The following LARGE1 variants were observed in gnomAD, a reference collection of about 807,000 sequenced individuals.
LARGE1 encodes the protein xylosyl- and glucuronyltransferase LARGE1.
In LARGE1, 43 loss-of-function variants were observed where a neutral mutation model predicts 87.6. That is an observed-to-expected ratio of 0.49 (90% CI 0.38 to 0.63). The LOEUF is 0.63. Ranked by LOEUF, LARGE1 falls within the 30% of genes least tolerant of loss-of-function variation. LARGE1 has a pLI of 0.00. For synonymous variants in LARGE1, 434 were observed against 394.6 expected (o/e 1.10, Z -1.18); for missense variants, 802 against 1,000.2 (o/e 0.80, Z 2.67).
intron 6 of LARGE1, among the ~76,000 whole-genome samples, chr22:33,474,994 T>C (rs1602015120): frequency 6.6e-6 from 1 of 152,286 alleles, no homozygotes; most frequent in South Asian, 2.1e-4. Context: ...GGAGATGGAA[T>C]GCCCTCTTTT....
chr22:33,589,857 A>G (rs1356392847), intron 5 of LARGE1, among the ~76,000 whole-genome samples: 1 of 152,156 alleles, frequency 6.6e-6, no homozygotes, highest in Admixed American at 6.5e-5. Flanking sequence ...ACCCTCCTCT[A>G]GTTTCCAAGA....
At chr22:33,385,254 A>G (rs1049817142) in intron 7 of LARGE1, among the ~76,000 whole-genome samples, 1 of 148,370 alleles carries the variant, frequency 6.7e-6, no homozygotes, top group African/African-American at 2.5e-5. Flanking sequence ...CTAAAACAAC[A>G]GCCGGGTGTG....
chr22:33,179,076 A>C (rs1289816346), intron 11 of LARGE1, among the ~76,000 whole-genome samples: 4 of 152,180 alleles, frequency 2.6e-5, no homozygotes, highest in Non-Finnish European at 4.4e-5. Context: ...TTATAAAGCC[A>C]ACAGTCCCAT....
chr22:33,507,833 G>A (rs1030321751), intron 6 of LARGE1, among the ~76,000 whole-genome samples: 3 of 152,072 alleles, frequency 2.0e-5, no homozygotes, highest in Non-Finnish European at 4.4e-5. Context: ...GCTCTACACT[G>A]GTGTGGTACC....
chr22:33,346,868 G>A (rs981571088), intron 9 of LARGE1, among the ~76,000 whole-genome samples: 16 of 152,134 alleles, frequency 1.1e-4, no homozygotes, highest in African/African-American at 3.1e-4. Context: ...GGGTGGCCAC[G>A]TGACCTAGGA....
intron 11 of LARGE1, among the ~76,000 whole-genome samples, chr22:33,194,935 C>T (rs1417575227): frequency 6.6e-6 from 1 of 152,202 alleles, no homozygotes; most frequent in Admixed American, 6.5e-5. Context: ...AATCTCTAGA[C>T]AACTCATTGC....
chr22:33,703,456 T>C (rs2082461026), intron 2 of LARGE1, among the ~76,000 whole-genome samples: 1 of 152,180 alleles, frequency 6.6e-6, no homozygotes, highest in Non-Finnish European at 1.5e-5. Context: ...TCCTGAAATT[T>C]GTGAGTATCA....
In LARGE1 at chr22:33,838,192, T is replaced by C. The variant is rs141034078; in HGVS notation, c.-82-76634A>G. The stretch of plus-strand genomic sequence containing the variant: ...AAGGAAGACAGACTGGCCCACAGAA[T>C]GCAGACTCTTGCTCTCAATCATTAC... On this transcript the variant is annotated intron_variant, in intron 1 of 14. Coordinates refer to ENST00000397394, the MANE Select transcript of LARGE1 (RefSeq NM_133642.5). Among the ~76,000 whole-genome samples, 282 of 152,326 alleles carry C rather than the reference T, an allele frequency of 1.9e-3. No individual in the cohort carries two copies. In the Middle Eastern group the frequency reaches 0.02, roughly 11 times the overall value.
At chr22:33,836,663 A>G (rs1165410361) in intron 1 of LARGE1, among the ~76,000 whole-genome samples, 1 of 152,166 alleles carries the variant, frequency 6.6e-6, no homozygotes, top group African/African-American at 2.4e-5. Flanking sequence ...AATGAGCTTC[A>G]GCAACAAGCC....
At chr22:33,553,908 T>G (rs781024510) in intron 6 of LARGE1, among the ~76,000 whole-genome samples, 44 of 152,150 alleles carry the variant, frequency 2.9e-4, no homozygotes, top group Non-Finnish European at 3.2e-4. Context: ...CTGAGCCCTG[T>G]GTGTCTAAGA....
At chr22:33,555,405 G>GA (rs1048025101) in intron 6 of LARGE1, among the ~76,000 whole-genome samples, 21 of 149,040 alleles carry the variant, frequency 1.4e-4, no homozygotes, top group South Asian at 2.1e-4. Context: ...GAGTCCTCTT[G>GA]AAAAAAAAAA....
At chr22:33,119,753 G>A in the LARGE1 span, among the ~76,000 whole-genome samples, 1 of 152,134 alleles carries the variant, frequency 6.6e-6, no homozygotes, top group African/African-American at 2.4e-5. Flanking sequence ...TTTCTGTTCT[G>A]CCCACTTAAT....
chr22:33,793,779 A>AC (rs908670068), intron 1 of LARGE1, among the ~76,000 whole-genome samples: 1 of 131,460 alleles, frequency 7.6e-6, no homozygotes, highest in Admixed American at 7.6e-5. Flanking sequence ...TAAGGCAAGC[A>AC]CCCCCCAACT....
chr22:33,486,383 T>C (rs1265909228), intron 6 of LARGE1, among the ~76,000 whole-genome samples: 1 of 152,168 alleles, frequency 6.6e-6, no homozygotes, highest in Non-Finnish European at 1.5e-5. Context: ...CTTGACAGTT[T>C]ACAAAGTGCT....
chr22:33,747,025 G>A (rs2084113960), intron 2 of LARGE1, among the ~76,000 whole-genome samples: 4 of 152,128 alleles, frequency 2.6e-5, no homozygotes, highest in African/African-American at 2.4e-5. Flanking sequence ...TAAGTGCCCC[G>A]GGGTGGACTG....
At chr22:33,559,462 G>A (rs1408931262) in intron 6 of LARGE1, among the ~76,000 whole-genome samples, 1 of 152,200 alleles carries the variant, frequency 6.6e-6, no homozygotes, top group Non-Finnish European at 1.5e-5. Context: ...GATTACAAAC[G>A]TGAGCCACCA....
rs1186663464 is a variant in LARGE1, at chr22:33,878,129, CTT to C, written c.-83+41864_-83+41865del. ...TATGTATGTTGTTTATATTGTATTT[CTT>C]TTTTTTTTTTTTTTTTTTTTTTTAG... On this transcript the variant is annotated intron_variant, in intron 1 of 14. Coordinates refer to ENST00000397394, the MANE Select transcript of LARGE1 (RefSeq NM_133642.5). 1.5e-3 allele frequency among the ~76,000 whole-genome samples: 66 copies of C among 44,640 alleles called. 2 individuals carry two copies. The highest frequency in any genetic ancestry group is 6.2e-3 in the East Asian group (6 of 966). 29.3% of individuals were successfully genotyped at this position (44,640 alleles called of 152,430 possible).
the LARGE1 span, among the ~76,000 whole-genome samples, chr22:33,094,104 G>A: frequency 6.6e-6 from 1 of 151,972 alleles, no homozygotes; most frequent in Non-Finnish European, 1.5e-5. Flanking sequence ...TACTCAGCTT[G>A]CATTGAGCAT....
chr22:33,456,464 T>C (rs146124073), intron 6 of LARGE1, among the ~76,000 whole-genome samples: 1 of 152,226 alleles, frequency 6.6e-6, no homozygotes, highest in Non-Finnish European at 1.5e-5. Flanking sequence ...TTGGCTTGCC[T>C]GTGGCTTCTA....
Sources: allele counts gnomAD v4.1 joint callset (sites outside exome capture counted in the v4.1 genomes callset), GRCh38; gene constraint gnomAD v4.1.1; transcripts MANE v1.5; gene names NCBI Gene and HGNC (gene_info 2026-07-23, HGNC 2026-07-21).